IL34: variants seen among roughly 807,000 people sequenced by gnomAD.
IL34 encodes interleukin 34.
IL34 carries 17 observed loss-of-function variants against 25.3 expected under a neutral mutation model. The ratio of observed to expected loss-of-function variants is 0.67; its 90% confidence interval spans 0.46 to 1.01. The LOEUF is 1.01. Ranked by LOEUF, IL34 falls within the 50% of genes least tolerant of loss-of-function variation. The pLI is 0.00. For synonymous variants in IL34, 174 were observed against 140.9 expected (o/e 1.23, Z -1.66); for missense variants, 368 against 312.9 (o/e 1.18, Z -1.33).
At chr16:70,618,044 G>A (rs1172716567) in intron 1 of IL34, among the ~76,000 whole-genome samples, 1 of 152,198 alleles carries the variant, frequency 6.6e-6, no homozygotes, top group Non-Finnish European at 1.5e-5. Flanking sequence ...AGAGAAGGGA[G>A]GGGGCCTGAA....
chr16:70,636,304 G>A (rs2051642162), intron 1 of IL34, among the ~76,000 whole-genome samples: 1 of 152,030 alleles, frequency 6.6e-6, no homozygotes, highest in Non-Finnish European at 1.5e-5. Context: ...CCAAAGTGCT[G>A]GGATTACAGG....
At chr16:70,615,532 A>G (rs1357543198) in intron 1 of IL34, among the ~76,000 whole-genome samples, 1 of 152,096 alleles carries the variant, frequency 6.6e-6, no homozygotes, top group African/African-American at 2.4e-5. Context: ...TAAATAAATA[A>G]AATAAAGATA....
At chr16:70,614,010 AGG>A (rs967511258) in intron 1 of IL34, among the ~76,000 whole-genome samples, 3 of 151,816 alleles carry the variant, frequency 2.0e-5, no homozygotes, top group African/African-American at 7.3e-5. Context: ...CAATACAACA[AGG>A]CTTTGTCTCT....
chr16:70,620,526 G>T (rs2051258907), intron 1 of IL34, among the ~76,000 whole-genome samples: 1 of 152,230 alleles, frequency 6.6e-6, no homozygotes, highest in South Asian at 2.1e-4. Context: ...GGAGAGGTCA[G>T]ATGGGTCTGT....
intron 1 of IL34, among the ~76,000 whole-genome samples, chr16:70,604,934 GTC>G (rs1373172230): frequency 6.7e-6 from 1 of 148,992 alleles, no homozygotes; most frequent in Non-Finnish European, 1.5e-5. Flanking sequence ...GTGTGTGCAT[GTC>G]TGTGTGTGTG....
upstream of IL34, among the ~76,000 whole-genome samples, chr16:70,645,122 GGAGGAAGGAGGAAGAC>G (rs1241148959): frequency 2.8e-5 from 2 of 72,724 alleles, no homozygotes; most frequent in Admixed American, 1.2e-4. Context: ...GGAAGAAGAG[GGAGGAAGGAGGAAGAC>G]GAGGAAGGAG....
intron 1 of IL34, among the ~76,000 whole-genome samples, chr16:70,585,470 A>G (rs941506568): frequency 3.3e-5 from 5 of 151,968 alleles, no homozygotes; most frequent in Non-Finnish European, 7.4e-5. Context: ...AGGCAGATGG[A>G]TTACGAGGAG....
At chr16:70,590,508 C>T (rs2050740485) in intron 1 of IL34, among the ~76,000 whole-genome samples, 1 of 152,166 alleles carries the variant, frequency 6.6e-6, no homozygotes, top group African/African-American at 2.4e-5. Context: ...ATATAACAAA[C>T]CCTTGTAAAG....
intron 4 of IL34, among the ~76,000 whole-genome samples, chr16:70,657,620 C>T (rs1165023758): frequency 6.6e-6 from 1 of 152,074 alleles, no homozygotes; most frequent in Non-Finnish European, 1.5e-5. Context: ...ACTAAAAATA[C>T]AAAAATAAGC....
At chr16:70,604,922 G>C (rs926662717) in intron 1 of IL34, among the ~76,000 whole-genome samples, 12 of 149,008 alleles carry the variant, frequency 8.1e-5, no homozygotes, top group African/African-American at 2.9e-4. Flanking sequence ...GTGTGCATGT[G>C]TGTGTGTGCA....
intron 1 of IL34, among the ~76,000 whole-genome samples, chr16:70,587,798 GGAGGCCGAGGCGAGCAGATCACTT>G (rs2050712293): frequency 6.6e-6 from 1 of 152,066 alleles, no homozygotes; most frequent in Non-Finnish European, 1.5e-5. Context: ...CAGCACTTTG[GGAGGCCGAGGCGAGCAGATCACTT>G]GAGGCCAAGA....
At chr16:70,641,106 T>C (rs2051771516) in intron 1 of IL34, among the ~76,000 whole-genome samples, 1 of 141,988 alleles carries the variant, frequency 7.0e-6, no homozygotes, top group Admixed American at 7.0e-5. Flanking sequence ...ATCCTGTCTC[T>C]ACTAAACATA....
upstream of IL34, among the ~76,000 whole-genome samples, chr16:70,643,564 G>A (rs144197028): frequency 2.3e-3 from 348 of 152,152 alleles, 15 homozygotes; most frequent in East Asian, 0.058. Context: ...TGGTAGATAC[G>A]GGTTCTCACT....
chr16:70,654,591 C>T lies in IL34; in HGVS notation c.82C>T (p.Pro28Ser). The change falls in exon 2 of 6, where the codon CCC (proline) becomes TCC (serine). Residue 28 changes from proline to serine, a missense_variant. Pro to Ser is a moderately conservative substitution (Grantham distance 74). Coordinates refer to ENST00000288098, the MANE Select transcript of IL34 (RefSeq NM_001393494.1). ...GGGGAATGAGCCTTTGGAGATGTGG[C>T]CCTTGACGCAGAATGAGGAGTGCAC... Reference protein sequence around the residue: ...ALGNEPLEMWPLTQNEECTVT... With the variant: ...ALGNEPLEMWSLTQNEECTVT... 1 of 1,613,600 alleles carries T rather than the reference C, an allele frequency of 6.2e-7. No homozygotes were observed. The highest frequency in any genetic ancestry group is 8.5e-7 in the Non-Finnish European group (1 of 1,179,680).
At position 70,646,926 on chromosome 16, in the gene IL34, C is replaced by A. The variant is rs763949176; in HGVS notation, c.-22C>A. 92 of 1,480,052 alleles carry A rather than the reference C, an allele frequency of 6.2e-5. No individual in the cohort carries two copies. In the South Asian group the frequency reaches 7.0e-4, roughly 11 times the overall value. The allele number at this position is 1,480,052 out of a possible 1,614,324, so 91.7% of individuals were successfully genotyped here. On this transcript the variant is annotated 5_prime_UTR_variant, in exon 1 of 6. Transcript: ENST00000288098. ...CTGCTGGGGACGGCGCCTGAGCTCT[C>A]AGGGGGACGAGGAACACCACCATGC... is the stretch of plus-strand genomic sequence containing the variant.
At position 70,660,563 on chromosome 16, in the gene IL34, T is replaced by C; in HGVS notation, c.*376T>C. 1 of 194,208 alleles carries C rather than the reference T, an allele frequency of 5.1e-6. No homozygotes were observed. Among genetic ancestry groups the C allele is most frequent in the Non-Finnish European group, 1.0e-5 (1 of 95,736 alleles). 12.0% of individuals were successfully genotyped at this position (194,208 alleles called of 1,614,324 possible). On this transcript the variant is annotated 3_prime_UTR_variant, in exon 6 of 6. Transcript: ENST00000288098. ...CAGCCAGCACGGCGTGGCCATTCTA[T>C]GACCCCCCAGCCTGGCAGACTGGGG...
Position 70,625,142 on chromosome 16 carries a change from A to G in IL34, c.-400-21406A>G, listed in dbSNP as rs148751624. On this transcript the variant is annotated intron_variant, in intron 1 of 6. Transcript: ENST00000429149. ...GGGTCAAGCAGCATTGCAGAAGAAA[A>G]TAAGGCGTTTAGGTTTTAGGTCAGG... 4.9e-3 allele frequency among the ~76,000 whole-genome samples: 744 copies of G among 152,184 alleles called. 6 individuals carry two copies. Among genetic ancestry groups the G allele is most frequent in the African/African-American group, 0.017 (726 of 41,548 alleles).
At chr16:70,597,839 G>A (rs372075678) in intron 1 of IL34, among the ~76,000 whole-genome samples, 1 of 152,200 alleles carries the variant, frequency 6.6e-6, no homozygotes, top group African/African-American at 2.4e-5. Context: ...CCCTGGAGAT[G>A]CAGTTCTTTT....
At chr16:70,639,358 A>T (rs1269286560) in intron 1 of IL34, among the ~76,000 whole-genome samples, 1 of 152,246 alleles carries the variant, frequency 6.6e-6, no homozygotes, top group Non-Finnish European at 1.5e-5. Context: ...GAGGCCAGAA[A>T]TAGGAGGAAA....
Sources: gnomAD v4.1 joint callset for allele counts (sites outside exome capture counted in the v4.1 genomes callset) on GRCh38, gnomAD v4.1.1 for gene constraint, MANE v1.5 for transcripts, NCBI Gene and HGNC (gene_info 2026-07-23, HGNC 2026-07-21) for gene names.